MPC1: variants seen among roughly 807,000 people sequenced by gnomAD.
The protein encoded by MPC1 is HSPC040 protein.
A neutral mutation model predicts 13.9 loss-of-function variants in MPC1; 6 were observed. That is an observed-to-expected ratio of 0.43 (90% CI 0.24 to 0.85). MPC1 has a LOEUF of 0.85. MPC1 is among the 40% of genes least tolerant of loss of function. The pLI is 0.24. For missense variants in MPC1, 115 were observed against 143.3 expected (o/e 0.80, Z 1.01); for synonymous variants, 47 against 50.5 (o/e 0.93, Z 0.29).
chr6:166,378,384 T>A (rs1779643262), intron 1 of MPC1, among the ~76,000 whole-genome samples: 1 of 151,396 alleles, frequency 6.6e-6, no homozygotes, highest in Non-Finnish European at 1.5e-5. Context: ...AGGTTCTTCT[T>A]AAGAAAACAT....
intron 3 of MPC1, among the ~76,000 whole-genome samples, chr6:166,366,502 A>C (rs898433685): frequency 2.6e-5 from 4 of 152,236 alleles, no homozygotes; most frequent in African/African-American, 4.8e-5. Flanking sequence ...TTTCCCCCAA[A>C]AAAGTTCACA....
intron 2 of MPC1, chr6:166,369,087 C>G (rs1243875845): frequency 1.5e-5 from 5 of 329,720 alleles, no homozygotes; most frequent in Admixed American, 6.5e-5. Context: ...TTGGGAGATT[C>G]CTGGCTAAGT....
Position 166,382,936 on chromosome 6 carries a change from A to G in MPC1, c.-60T>C, listed in dbSNP as rs1298989810. ...CCTCTGCTGCCGCTTCCCAGAGCCA[A>G]TGACACCCCGGCCAACCCCCCGGCA... On this transcript the variant is annotated 5_prime_UTR_variant, in exon 1 of 5. Transcript: ENST00000360961. The G allele has an allele frequency of 1.0e-5, 16 of 1,534,498 alleles. No individual in the cohort carries two copies. Among genetic ancestry groups the G allele is most frequent in the Non-Finnish European group, 1.2e-5 (14 of 1,136,774 alleles).
At chr6:166,378,095 C>T (rs1779633845) in intron 1 of MPC1, among the ~76,000 whole-genome samples, 1 of 152,202 alleles carries the variant, frequency 6.6e-6, no homozygotes, top group Admixed American at 6.5e-5. Context: ...CTGTTTGGTT[C>T]AGATATCAGC....
intron 3 of MPC1, 57 bp from the exon 4 acceptor site, chr6:166,366,163 T>C (rs1779144732): frequency 3.2e-6 from 5 of 1,581,032 alleles, no homozygotes; most frequent in African/African-American, 1.3e-5. Context: ...AGAGGGTTGA[T>C]AGGACCACAG....
intron 3 of MPC1, among the ~76,000 whole-genome samples, chr6:166,366,333 C>G (rs1003006209): frequency 8.5e-5 from 13 of 152,200 alleles, no homozygotes; most frequent in Non-Finnish European, 1.9e-4. Flanking sequence ...ATTTAAGGAA[C>G]ATATTTCCGA....
chr6:166,373,305 C>T (rs1368250980), intron 1 of MPC1, among the ~76,000 whole-genome samples: 1 of 152,162 alleles, frequency 6.6e-6, no homozygotes, highest in Non-Finnish European at 1.5e-5. Flanking sequence ...CACCTCAACC[C>T]TTGCAACCAC....
intron 1 of MPC1, among the ~76,000 whole-genome samples, chr6:166,372,970 A>AT (rs1334975271): frequency 6.6e-6 from 1 of 152,216 alleles, no homozygotes; most frequent in Non-Finnish European, 1.5e-5. Flanking sequence ...AAAATTAAGT[A>AT]TTCTGTTTTT....
chr6:166,374,885 A>G (rs1779513855), intron 1 of MPC1, among the ~76,000 whole-genome samples: 1 of 151,958 alleles, frequency 6.6e-6, no homozygotes, highest in South Asian at 2.1e-4. Flanking sequence ...CAGTCCTCCA[A>G]CTTTGTTCTC....
Position 166,382,256 on chromosome 6 carries a change from G to A in MPC1, c.71+550C>T, listed in dbSNP as rs1779819826. On this transcript the variant is annotated intron_variant, in intron 1 of 4. Transcript: ENST00000360961. ...CCCCTGCCGGGAGAGGCGTCCCCAT[G>A]GTCACCCTGTCCTGAGGAGCGCCGT... 2.0e-5 allele frequency among the ~76,000 whole-genome samples: 3 copies of A among 146,600 alleles called. No individual in the cohort carries two copies. The South Asian group carries it at 6.5e-4, about 32-fold the overall frequency.
intron 1 of MPC1, among the ~76,000 whole-genome samples, chr6:166,381,550 T>C (rs940740168): frequency 6.6e-6 from 1 of 152,164 alleles, no homozygotes; most frequent in African/African-American, 2.4e-5. Context: ...TACACGTACC[T>C]AGGTTTTAAA....
At chr6:166,375,180 A>G (rs989096455) in intron 1 of MPC1, among the ~76,000 whole-genome samples, 1 of 152,222 alleles carries the variant, frequency 6.6e-6, no homozygotes, top group Non-Finnish European at 1.5e-5. Context: ...GTGACTAACA[A>G]GTAGGTAGCA....
Position 166,365,394 on chromosome 6 carries a change from T to G in MPC1, c.*35A>C. Reference sequence around the variant, plus strand: ...GTGACTCAGCAGCAGCTGGCAATGCTGTCCCTTCAAGACCTTGTTCTTCCT... The same window carrying G: ...GTGACTCAGCAGCAGCTGGCAATGCGGTCCCTTCAAGACCTTGTTCTTCCT... On this transcript the variant is annotated 3_prime_UTR_variant, in exon 5 of 5. Coordinates refer to ENST00000360961, the MANE Select transcript of MPC1 (RefSeq NM_016098.4). This position sits in a 1 kb window ranked among gnomAD's most constrained non-coding sequence, Gnocchi z 4.2. 6.6e-7 allele frequency: 1 copy of G among 1,520,622 alleles called. No homozygotes were observed. Among genetic ancestry groups the G allele is most frequent in the Non-Finnish European group, 8.9e-7 (1 of 1,129,830 alleles). 94.2% of individuals were successfully genotyped at this position (1,520,622 alleles called of 1,614,324 possible).
chr6:166,374,208 G>T (rs1779489662), intron 1 of MPC1, among the ~76,000 whole-genome samples: 1 of 152,130 alleles, frequency 6.6e-6, no homozygotes, highest in Non-Finnish European at 1.5e-5. Flanking sequence ...GGCCAGGCTG[G>T]TCTCAAACTC....
At chr6:166,382,643 C>T (rs1002593456) in intron 1 of MPC1, among the ~76,000 whole-genome samples, 163 bp downstream of exon 1, 1 of 152,208 alleles carries the variant, frequency 6.6e-6, no homozygotes, top group Non-Finnish European at 1.5e-5. Flanking sequence ...GGGAGGGATC[C>T]GGGTGGGGCC....
At chr6:166,380,160 CT>C (rs1241195003) in intron 1 of MPC1, among the ~76,000 whole-genome samples, 1 of 152,228 alleles carries the variant, frequency 6.6e-6, no homozygotes, top group Admixed American at 6.5e-5. Context: ...TAACTGTAAA[CT>C]TTAAAAAATG....
chr6:166,365,427 T>A lies in MPC1; in HGVS notation c.*2A>T, dbSNP rs772462474. ...CAAGACCTTGTTCTTCCTTTTCCAT[T>A]GTTATGCAGATGCCGTTTTAGTCAT... On this transcript the variant is annotated 3_prime_UTR_variant, in exon 5 of 5. Coordinates refer to ENST00000360961, the MANE Select transcript of MPC1 (RefSeq NM_016098.4). The surrounding 1 kb of genome is among the most constrained non-coding windows in gnomAD (Gnocchi z 4.2). The A allele has an allele frequency of 6.4e-7, 1 of 1,572,844 alleles. No individual in the cohort carries two copies. Among genetic ancestry groups the A allele is most frequent in the Admixed American group, 1.8e-5 (1 of 54,656 alleles).
chr6:166,369,985 T>C (rs1389644978), intron 2 of MPC1: 2 of 684,028 alleles, frequency 2.9e-6, no homozygotes, highest in Non-Finnish European at 5.3e-6. Context: ...GAAGTAATTA[T>C]ATGCTTGTTT....
rs550919825 is a variant in MPC1, at chr6:166,366,374, C to G, written c.173-268G>C. Among the ~76,000 whole-genome samples, 4 of 152,240 alleles carry G rather than the reference C, an allele frequency of 2.6e-5. No homozygotes were observed. The East Asian group carries it at 7.7e-4, about 29-fold the overall frequency. ...AGTAGGCTGAAATTTGTTCTAGACA[C>G]TTTTTTTGTCTCCTGGAGTTGCTTA... On this transcript the variant is annotated intron_variant, in intron 3 of 4. Coordinates refer to ENST00000360961, the MANE Select transcript of MPC1 (RefSeq NM_016098.4).
Sources: gnomAD v4.1 joint callset for allele counts (sites outside exome capture counted in the v4.1 genomes callset) on GRCh38, gnomAD v4.1.1 for gene constraint, Gnocchi (gnomAD v3.1) non-coding constraint, MANE v1.5 for transcripts, NCBI Gene and HGNC (gene_info 2026-07-23, HGNC 2026-07-21) for gene names.